The following DNAJA1 variants were observed in gnomAD, a reference collection of about 807,000 sequenced individuals.
DNAJA1 encodes the protein dnaJ homolog subfamily A member 1.
Under a neutral mutation model 47.6 loss-of-function variants are expected in DNAJA1, and 26 were observed. The observed-to-expected ratio is 0.55, with a 90% CI of 0.40 to 0.76. The LOEUF is 0.76. Ranked by LOEUF, DNAJA1 falls within the 30% of genes least tolerant of loss-of-function variation. The pLI, the probability that DNAJA1 is intolerant of heterozygous loss-of-function variation, is 0.00. For missense variants in DNAJA1, 315 were observed against 485.0 expected (o/e 0.65, Z 3.29); for synonymous variants, 165 against 158.4 (o/e 1.04, Z -0.31).
rs1159605575 is a variant in DNAJA1, at chr9:33,038,757, A to G, written c.1048A>G (p.Lys350Glu). 1 of 1,613,994 alleles carries G rather than the reference A, an allele frequency of 6.2e-7. No individual in the cohort carries two copies. Among genetic ancestry groups the G allele is most frequent in the African/African-American group, 1.3e-5 (1 of 74,898 alleles). ...GCTGGAAAAACTCCTACCCGAGAGGAAGGAAGTGGAAGAGACTGATGAGAT... is the reference window on the plus strand; with the variant it reads ...GCTGGAAAAACTCCTACCCGAGAGGGAGGAAGTGGAAGAGACTGATGAGAT... Reference protein sequence around the residue: ...SLLEKLLPERKEVEETDEMDQ... With the variant: ...SLLEKLLPEREEVEETDEMDQ... The change falls in exon 9 of 9, where the codon AAG (lysine) becomes GAG (glutamate). Residue 350 changes from lysine (K) to glutamate (E), a missense_variant. By Grantham distance (56) the Lys-to-Glu change is moderately conservative (BLOSUM62 1). Transcript: ENST00000330899.
At chr9:33,025,704 G>C (rs544430927) in intron 1 of DNAJA1, among the ~76,000 whole-genome samples, 8 of 152,258 alleles carry the variant, frequency 5.3e-5, no homozygotes, top group Admixed American at 3.3e-4. Context: ...GGGGTGGGGG[G>C]GGGGAGTGGG....
At chr9:33,027,033 G>A in intron 3 of DNAJA1, 43 bp downstream of exon 3, 1 of 1,610,980 alleles carries the variant, frequency 6.2e-7, no homozygotes, top group Non-Finnish European at 8.5e-7. Flanking sequence ...AAAGTTAGCT[G>A]TTGGTCAGAG....
Position 33,037,649 on chromosome 9 carries a change from T to TGGGTG in DNAJA1, c.975+534_975+535insGGGTG, listed in dbSNP as rs1416584079. ...GTGAATCAAGATCGTGTCACTGTACTTCAACCTGGGTGACAGAATGAGACC... is the reference window on the plus strand; with the variant it reads ...GTGAATCAAGATCGTGTCACTGTACTGGGTGTCAACCTGGGTGACAGAATGAGACC... On this transcript the variant is annotated intron_variant, in intron 8 of 8. Coordinates refer to ENST00000330899, the MANE Select transcript of DNAJA1 (RefSeq NM_001539.4). 3.0e-4 allele frequency among the ~76,000 whole-genome samples: 45 copies of TGGGTG among 152,330 alleles called. No individual in the cohort carries two copies. The East Asian group carries it at 7.3e-3, about 25-fold the overall frequency.
At chr9:33,038,161 C>T (rs1002622952) in intron 8 of DNAJA1, among the ~76,000 whole-genome samples, 3 of 151,996 alleles carry the variant, frequency 2.0e-5, no homozygotes, top group East Asian at 1.9e-4. Flanking sequence ...CCCGCCACCA[C>T]GCTGGGCTTT....
chr9:33,026,358 T>G, intron 1 of DNAJA1, 117 bp from the exon 2 acceptor site: 1 of 1,055,450 alleles, frequency 9.5e-7, no homozygotes, highest in Non-Finnish European at 1.3e-6. Context: ...TGGTGAAATT[T>G]AGGGAAGGTG....
At chr9:33,033,737 C>T (rs1838996088) in intron 5 of DNAJA1, among the ~76,000 whole-genome samples, 1 of 152,092 alleles carries the variant, frequency 6.6e-6, no homozygotes, top group Non-Finnish European at 1.5e-5. Context: ...TATATAAATA[C>T]TACAATAGAA....
chr9:33,038,980 C>A lies in DNAJA1; in HGVS notation c.*77C>A. The A allele has an allele frequency of 1.5e-6, 2 of 1,301,570 alleles. No individual in the cohort carries two copies. The highest frequency in any genetic ancestry group is 2.2e-6 in the Non-Finnish European group (2 of 928,710). The allele number at this position is 1,301,570 out of a possible 1,614,324, so 80.6% of individuals were successfully genotyped here. ...AGTGAAGGACTGTAATCATAATATGCTCACTACTTGCTCTTGTTTTTGTTT... is the reference window on the plus strand; with the variant it reads ...AGTGAAGGACTGTAATCATAATATGATCACTACTTGCTCTTGTTTTTGTTT... On this transcript the variant is annotated 3_prime_UTR_variant, in exon 9 of 9. Coordinates refer to ENST00000330899, the MANE Select transcript of DNAJA1 (RefSeq NM_001539.4).
At chr9:33,033,160 C>G (rs1238853809) in intron 5 of DNAJA1, among the ~76,000 whole-genome samples, 1 of 144,442 alleles carries the variant, frequency 6.9e-6, no homozygotes, top group Non-Finnish European at 1.5e-5. Flanking sequence ...CACGAAGTCT[C>G]AGTTTAAAAA....
At chr9:33,034,053 A>C (rs10448231) in intron 5 of DNAJA1, among the ~76,000 whole-genome samples, 163 bp from the exon 6 acceptor site, 1 of 152,086 alleles carries the variant, frequency 6.6e-6, no homozygotes, top group Non-Finnish European at 1.5e-5. Flanking sequence ...GTTCTCCACT[A>C]TGATACCTTT....
intron 3 of DNAJA1, among the ~76,000 whole-genome samples, chr9:33,029,046 A>C (rs1027712537): frequency 6.6e-6 from 1 of 152,214 alleles, no homozygotes; most frequent in African/African-American, 2.4e-5. Context: ...TTCTAACCTC[A>C]GTGTCCTTAT....
intron 6 of DNAJA1, chr9:33,036,132 T>A (rs998175186): frequency 6.6e-6 from 1 of 150,674 alleles, no homozygotes; most frequent in African/African-American, 2.4e-5. Context: ...TTAGTAGAGA[T>A]GGGGTTTCAC....
intron 6 of DNAJA1, among the ~76,000 whole-genome samples, chr9:33,035,390 G>A (rs914867771): frequency 3.3e-5 from 5 of 151,302 alleles, no homozygotes; most frequent in African/African-American, 1.2e-4. Flanking sequence ...TTTTACAAAT[G>A]TCTGAAGATA....
At chr9:33,038,457 A>T (rs946026846) in intron 8 of DNAJA1, among the ~76,000 whole-genome samples, 3 of 152,176 alleles carry the variant, frequency 2.0e-5, no homozygotes, top group Non-Finnish European at 4.4e-5. Context: ...GTGCAGTTTT[A>T]TTTAATACAA....
At position 33,026,856 on chromosome 9, in the gene DNAJA1, A is replaced by G; in HGVS notation, c.176A>G (p.Lys59Arg). 1 of 1,614,148 alleles carries G rather than the reference A, an allele frequency of 6.2e-7. No individual in the cohort carries two copies. ...SQAYEVLSDA[K>R]KRELYDKGGE... ...GCTTACGAAGTTCTCTCTGATGCAA[A>G]GAAAAGGGAATTATATGACAAAGGA... is the stretch of plus-strand genomic sequence containing the variant. The change falls in exon 3 of 9, where the codon AAG becomes AGG. Residue 59 changes from lysine (K) to arginine (R), a missense_variant. Lys to Arg is a conservative substitution (Grantham distance 26). Coordinates refer to ENST00000330899, the MANE Select transcript of DNAJA1 (RefSeq NM_001539.4).
chr9:33,037,171 A>C (rs1564015167), intron 8 of DNAJA1, 56 bp downstream of exon 8: 1 of 1,528,084 alleles, frequency 6.5e-7, no homozygotes, highest in African/African-American at 1.4e-5. Flanking sequence ...CTAAAATCTG[A>C]TAAAAAAGTA....
chr9:33,027,556 A>G (rs968816207), intron 3 of DNAJA1, among the ~76,000 whole-genome samples: 3 of 152,096 alleles, frequency 2.0e-5, no homozygotes, highest in African/African-American at 2.4e-5. Flanking sequence ...GATATTATCA[A>G]ACAAATTATG....
intron 1 of DNAJA1, among the ~76,000 whole-genome samples, chr9:33,025,922 C>T (rs986020974): frequency 1.3e-5 from 2 of 152,178 alleles, no homozygotes; most frequent in Non-Finnish European, 2.9e-5. Flanking sequence ...GGAAACCTGG[C>T]AGGTAAACTC....
intron 1 of DNAJA1, 54 bp from the exon 2 acceptor site, chr9:33,026,417 CTTTT>C: frequency 6.4e-7 from 1 of 1,565,348 alleles, no homozygotes; most frequent in East Asian, 2.3e-5. Context: ...CCTTAGCTCT[CTTTT>C]TTATTAAAAG....
intron 3 of DNAJA1, among the ~76,000 whole-genome samples, chr9:33,028,255 T>C (rs562559186): frequency 3.3e-5 from 5 of 152,344 alleles, no homozygotes; most frequent in African/African-American, 1.2e-4. Flanking sequence ...GCCTGCCATC[T>C]ATCTATTCTT....
Sources: gnomAD v4.1 joint callset for allele counts (sites outside exome capture counted in the v4.1 genomes callset) on GRCh38, gnomAD v4.1.1 for gene constraint, MANE v1.5 for transcripts, NCBI Gene and HGNC (gene_info 2026-07-23, HGNC 2026-07-21) for gene names.